The following IP6K1 variants were observed in gnomAD, a reference collection of about 807,000 sequenced individuals.
IP6K1 encodes ATP:1D-myo-inositol-hexakisphosphate phosphotransferase.
In IP6K1, 13 loss-of-function variants were observed where a neutral mutation model predicts 38.3. That is an observed-to-expected ratio of 0.34 (90% CI 0.22 to 0.54). The LOEUF (loss-of-function observed/expected upper bound fraction) is 0.54, where lower values mean the gene tolerates loss of function less well. Among genes scored for constraint, IP6K1 ranks in the 20% least tolerant of loss-of-function variants. The pLI is 0.92. For missense variants in IP6K1, 397 were observed against 599.8 expected (o/e 0.66, Z 3.53); for synonymous variants, 212 against 229.9 (o/e 0.92, Z 0.70).
At chr3:49,744,251 G>C (rs1216700272) in intron 2 of IP6K1, among the ~76,000 whole-genome samples, 2 of 151,308 alleles carry the variant, frequency 1.3e-5, no homozygotes, top group African/African-American at 4.8e-5. Context: ...AAATACAAAA[G>C]ATTAGCCAGG....
intron 1 of IP6K1, among the ~76,000 whole-genome samples, chr3:49,765,878 A>G (rs896693780): frequency 6.8e-6 from 1 of 147,894 alleles, no homozygotes. Flanking sequence ...CCCCATATCT[A>G]AAAAAAAAAC....
intron 1 of IP6K1, among the ~76,000 whole-genome samples, chr3:49,774,423 A>G (rs1046195668): frequency 6.0e-5 from 9 of 150,888 alleles, no homozygotes; most frequent in South Asian, 2.1e-4. Flanking sequence ...AAAAAAAAAA[A>G]AAAAAAGAAA....
At chr3:49,743,253 C>CACACAT (rs2080688332) in intron 2 of IP6K1, among the ~76,000 whole-genome samples, 1 of 149,286 alleles carries the variant, frequency 6.7e-6, no homozygotes, top group African/African-American at 2.5e-5. Flanking sequence ...CACACACACA[C>CACACAT]ACACACACAC....
At chr3:49,755,173 G>A (rs953829348) in intron 1 of IP6K1, among the ~76,000 whole-genome samples, 1 of 140,516 alleles carries the variant, frequency 7.1e-6, no homozygotes, top group East Asian at 2.1e-4. Flanking sequence ...CCGAGCTCAA[G>A]ATATCCACTT....
rs139078445 is a variant in IP6K1, at chr3:49,728,459, T to C, written c.617-181A>G. On this transcript the variant is annotated intron_variant, in intron 4 of 5. Transcript: ENST00000321599. ...TTAACCAATAAAAACTGTGGTAAAA[T>C]ATACATAAAATTTACTTCAGCCATT... 8.6e-4 allele frequency: 503 copies of C among 582,788 alleles called. 8 individuals carry two copies. The East Asian group carries it at 0.011, about 12-fold the overall frequency. The allele number at this position is 582,788 out of a possible 1,614,324, so 36.1% of individuals were successfully genotyped here. A position where few individuals can be genotyped will look rare whatever the true frequency, so the allele number is the denominator to read the frequency against.
At chr3:49,740,598 TAC>T (rs2080658207) in intron 2 of IP6K1, among the ~76,000 whole-genome samples, 1 of 152,238 alleles carries the variant, frequency 6.6e-6, no homozygotes, top group Admixed American at 6.5e-5. Context: ...AGTGAAATCA[TAC>T]AATGTTTGTT....
chr3:49,743,565 G>C (rs1296822950), intron 2 of IP6K1, among the ~76,000 whole-genome samples: 3 of 150,492 alleles, frequency 2.0e-5, no homozygotes, highest in Non-Finnish European at 1.5e-5. Context: ...TATAGTCCCA[G>C]CTACTCGGGG....
chr3:49,742,147 T>G (rs2080674049), intron 2 of IP6K1, among the ~76,000 whole-genome samples: 1 of 152,244 alleles, frequency 6.6e-6, no homozygotes, highest in South Asian at 2.1e-4. Flanking sequence ...TTGCTTAGGC[T>G]ACATTTTCAC....
At chr3:49,759,632 A>T (rs1170219159) in intron 1 of IP6K1, among the ~76,000 whole-genome samples, 1 of 152,224 alleles carries the variant, frequency 6.6e-6, no homozygotes, top group Non-Finnish European at 1.5e-5. Context: ...CTATTTGAAC[A>T]TCCATCATGT....
At chr3:49,785,103 G>A (rs2081100074) in intron 1 of IP6K1, among the ~76,000 whole-genome samples, 2 of 152,180 alleles carry the variant, frequency 1.3e-5, no homozygotes, top group African/African-American at 4.8e-5. Context: ...TTGGAGCAAT[G>A]AGAACTCTTC....
At position 49,727,647 on chromosome 3, in the gene IP6K1, C is replaced by G. The variant is rs2080521385; in HGVS notation, c.801G>C (p.Gln267His). 6.2e-7 allele frequency: 1 copy of G among 1,612,746 alleles called. No individual in the cohort carries two copies. The highest frequency in any genetic ancestry group is 1.7e-5 in the Admixed American group (1 of 59,976). ...GVRVCGMQVY[Q>H]LDTGHYLCRN... ...TGCAGAGGTAATGCCCTGTGTCCAG[C>G]TGGTACACCTGAAACCCCAGGAGGC... The change falls in exon 6 of 6, where the codon CAG (glutamine) becomes CAC (histidine). Residue 267 changes from glutamine to histidine, a missense_variant. Physicochemically the swap from Gln to His is conservative, Grantham distance 24. Coordinates refer to ENST00000321599, the MANE Select transcript of IP6K1 (RefSeq NM_153273.4). The surrounding 1 kb of genome is among the most constrained non-coding windows in gnomAD (Gnocchi z 5.9).
At chr3:49,775,060 T>C (rs918827082) in intron 1 of IP6K1, among the ~76,000 whole-genome samples, 5 of 152,130 alleles carry the variant, frequency 3.3e-5, no homozygotes, top group Non-Finnish European at 7.4e-5. Flanking sequence ...TGAACTATAG[T>C]TAACAGCATT....
chr3:49,744,351 G>A (rs1360252347), intron 2 of IP6K1, among the ~76,000 whole-genome samples: 2 of 144,004 alleles, frequency 1.4e-5, no homozygotes, highest in Non-Finnish European at 3.0e-5. Context: ...GCAGTGAGGC[G>A]AGACTGCGCC....
chr3:49,760,515 T>A (rs768431004), intron 1 of IP6K1, among the ~76,000 whole-genome samples: 34 of 151,114 alleles, frequency 2.2e-4, no homozygotes, highest in Non-Finnish European at 3.7e-4. Context: ...TCCCAGCTAC[T>A]CGTGAGGCTG....
In IP6K1 at chr3:49,738,249, CCTT is replaced by C; in HGVS notation, c.394_396del (p.Lys132del). The C allele has an allele frequency of 6.2e-7, 1 of 1,614,228 alleles. No homozygotes were observed. The highest frequency in any genetic ancestry group is 8.5e-7 in the Non-Finnish European group (1 of 1,180,042). ...TCAAGGGACAGGCTGGCTTTCTCCT[CCTT>C]GTGGTCACTGCCACTGCCTGACCGG... On this transcript the variant is annotated inframe_deletion, in exon 3 of 6. Transcript: ENST00000321599.
intron 1 of IP6K1, among the ~76,000 whole-genome samples, chr3:49,775,839 G>T (rs1257843696): frequency 6.6e-6 from 1 of 151,968 alleles, no homozygotes; most frequent in Non-Finnish European, 1.5e-5. Flanking sequence ...GAGAAAAATT[G>T]ATAGATTAGT....
intron 1 of IP6K1, among the ~76,000 whole-genome samples, chr3:49,782,342 T>C (rs2081072368): frequency 6.6e-6 from 1 of 151,972 alleles, no homozygotes; most frequent in Admixed American, 6.6e-5. Context: ...GGCTAATCTT[T>C]GTATTTTTAG....
At chr3:49,785,898 G>C (rs1382913249) in intron 1 of IP6K1, 4 of 152,254 alleles carry the variant, frequency 2.6e-5, no homozygotes, top group African/African-American at 9.6e-5. Flanking sequence ...CGTGACACCG[G>C]CCTGCCTGGC....
At chr3:49,778,715 T>A (rs2108264234) in intron 1 of IP6K1, among the ~76,000 whole-genome samples, 1 of 152,084 alleles carries the variant, frequency 6.6e-6, no homozygotes, top group East Asian at 1.9e-4. Flanking sequence ...AGCCTCAAAA[T>A]CCCAGACACA....
Sources: gnomAD v4.1 joint callset for allele counts (sites outside exome capture counted in the v4.1 genomes callset) on GRCh38, gnomAD v4.1.1 for gene constraint, Gnocchi (gnomAD v3.1) non-coding constraint, MANE v1.5 for transcripts, NCBI Gene and HGNC (gene_info 2026-07-23, HGNC 2026-07-21) for gene names.